MSRA: variants seen among roughly 807,000 people sequenced by gnomAD.
The protein encoded by MSRA is methionine sulfoxide reductase A, also known as mitochondrial peptide methionine sulfoxide reductase.
MSRA carries 54 observed loss-of-function variants against 31.3 expected under a neutral mutation model. That is an observed-to-expected ratio of 1.73 (90% CI 1.39 to 2.17). The LOEUF (loss-of-function observed/expected upper bound fraction) is 2.17. Among genes scored for constraint, MSRA ranks in the 30% most tolerant of loss-of-function variants. The probability of loss-of-function intolerance (pLI) is 0.00; values close to 1 mark genes in which losing one functional copy is unlikely to be tolerated. For synonymous variants in MSRA, 169 were observed against 116.5 expected (o/e 1.45, Z -2.90); for missense variants, 507 against 300.9 (o/e 1.69, Z -5.07).
chr8:10,295,806 CCAGGTCT>C (rs1800508246), intron 3 of MSRA, among the ~76,000 whole-genome samples: 1 of 152,112 alleles, frequency 6.6e-6, no homozygotes, highest in African/African-American at 2.4e-5. Flanking sequence ...CTGCCCTCTC[CCAGGTCT>C]CATGGACTCT....
chr8:10,101,267 A>G (rs1378645128), intron 1 of MSRA, among the ~76,000 whole-genome samples: 1 of 152,202 alleles, frequency 6.6e-6, no homozygotes, highest in Non-Finnish European at 1.5e-5. Context: ...GAAATAAGGA[A>G]ATACATGCAG....
intron 1 of MSRA, among the ~76,000 whole-genome samples, chr8:10,090,790 C>T (rs760527882): frequency 2.0e-5 from 3 of 152,312 alleles, no homozygotes; most frequent in African/African-American, 7.2e-5. Flanking sequence ...ATACAATATG[C>T]GGACTTCTGT....
At chr8:10,224,040 C>A (rs112168564) in intron 2 of MSRA, among the ~76,000 whole-genome samples, 1 of 152,136 alleles carries the variant, frequency 6.6e-6, no homozygotes, top group Non-Finnish European at 1.5e-5. Flanking sequence ...CTAGGATCAT[C>A]ATTTGTTCAA....
At chr8:10,227,462 A>G (rs1247369580) in intron 2 of MSRA, among the ~76,000 whole-genome samples, 1 of 152,186 alleles carries the variant, frequency 6.6e-6, no homozygotes, top group Non-Finnish European at 1.5e-5. Context: ...GGGGTTATGA[A>G]GATTTCCAGG....
At chr8:10,297,688 G>A (rs1320301919) in intron 3 of MSRA, among the ~76,000 whole-genome samples, 2 of 152,196 alleles carry the variant, frequency 1.3e-5, no homozygotes, top group Non-Finnish European at 2.9e-5. Context: ...AGTTTGGCAA[G>A]GGCATCACTG....
chr8:10,263,995 AT>A (rs200550175), intron 3 of MSRA, among the ~76,000 whole-genome samples: 6 of 152,034 alleles, frequency 3.9e-5, no homozygotes, highest in African/African-American at 9.7e-5. Flanking sequence ...ACTTAAAAAT[AT>A]TTTTTTTCAC....
chr8:10,123,954 G>T (rs543585462), intron 1 of MSRA, among the ~76,000 whole-genome samples: 1 of 151,616 alleles, frequency 6.6e-6, no homozygotes, highest in Admixed American at 6.6e-5. Flanking sequence ...AGCCTCAAGT[G>T]GAAGTCTCGA....
chr8:10,100,600 G>C (rs1799469697), intron 1 of MSRA, among the ~76,000 whole-genome samples: 1 of 152,104 alleles, frequency 6.6e-6, no homozygotes, highest in African/African-American at 2.4e-5. Flanking sequence ...TAGAAATTTA[G>C]ATCAAGTGAA....
At chr8:10,281,217 C>T in intron 3 of MSRA, among the ~76,000 whole-genome samples, 1 of 152,158 alleles carries the variant, frequency 6.6e-6, no homozygotes, top group Non-Finnish European at 1.5e-5. Context: ...CCAAAATCAC[C>T]AATAAATTAT....
intron 1 of MSRA, among the ~76,000 whole-genome samples, chr8:10,147,907 C>T (rs539191152): frequency 9.0e-4 from 137 of 152,324 alleles, no homozygotes; most frequent in African/African-American, 3.1e-3. Context: ...GTTCCTCAGA[C>T]TGATGCGAAA....
intron 1 of MSRA, among the ~76,000 whole-genome samples, chr8:10,159,124 C>T (rs7842835): frequency 0.38 from 57,376 of 151,974 alleles, 13,131 homozygotes; most frequent in African/African-American, 0.63. Context: ...AAGGTAGTGG[C>T]AGTAAGAATG....
At chr8:10,114,766 C>T (rs1213910016) in intron 1 of MSRA, among the ~76,000 whole-genome samples, 1 of 152,086 alleles carries the variant, frequency 6.6e-6, no homozygotes, top group Non-Finnish European at 1.5e-5. Flanking sequence ...GAAAGGAAGC[C>T]TTAAATTAAT....
chr8:10,075,821 A>G (rs1563402944), intron 1 of MSRA, among the ~76,000 whole-genome samples: 1 of 152,090 alleles, frequency 6.6e-6, no homozygotes, highest in Non-Finnish European at 1.5e-5. Flanking sequence ...CATCATTCAT[A>G]TTTTTCTCCC....
At position 10,073,846 on chromosome 8, in the gene MSRA, T is replaced by C. The variant is rs189781105; in HGVS notation, c.142+19188T>C. On this transcript the variant is annotated intron_variant, in intron 1 of 5. Coordinates refer to ENST00000317173, the MANE Select transcript of MSRA (RefSeq NM_012331.5). ...TAGCTTGACAGTTACCCTGAACAAA[T>C]TACTTTCATTTCACTTCTTCTTGAC... Among the ~76,000 whole-genome samples, 23 of 152,150 alleles carry C rather than the reference T, an allele frequency of 1.5e-4. 1 individual carries two copies. The East Asian group carries it at 4.1e-3, about 27-fold the overall frequency.
At chr8:10,212,118 C>T (rs535877207) in intron 2 of MSRA, among the ~76,000 whole-genome samples, 2 of 151,464 alleles carry the variant, frequency 1.3e-5, no homozygotes, top group Admixed American at 1.3e-4. Flanking sequence ...ACCCAGGAGG[C>T]GGAGGTTGCA....
intron 3 of MSRA, among the ~76,000 whole-genome samples, chr8:10,269,090 G>A (rs1050748398): frequency 2.0e-5 from 3 of 152,200 alleles, no homozygotes; most frequent in Non-Finnish European, 4.4e-5. Flanking sequence ...ATTGGCAGTT[G>A]AAAATAGAGT....
chr8:10,118,665 C>CGCT (rs374880517), intron 1 of MSRA, among the ~76,000 whole-genome samples: 187 of 152,204 alleles, frequency 1.2e-3, no homozygotes, highest in African/African-American at 4.3e-3. Flanking sequence ...TGCTCCTTAC[C>CGCT]GCTGCCCCTG....
chr8:10,403,100 T>G (rs1480854481), intron 5 of MSRA, among the ~76,000 whole-genome samples: 1 of 152,176 alleles, frequency 6.6e-6, no homozygotes, highest in Non-Finnish European at 1.5e-5. Context: ...AAGCTTGAGA[T>G]TCTTGTTTAC....
chr8:10,075,609 C>T lies in MSRA; in HGVS notation c.142+20951C>T, dbSNP rs532550141. Among the ~76,000 whole-genome samples, 13 of 152,240 alleles carry T rather than the reference C, an allele frequency of 8.5e-5. No homozygotes were observed. In the South Asian group the frequency reaches 2.3e-3, roughly 27 times the overall value. On this transcript the variant is annotated intron_variant, in intron 1 of 5. Coordinates refer to ENST00000317173, the MANE Select transcript of MSRA (RefSeq NM_012331.5). ...CAGAAGAAAATATCCTAAAGAGATC[C>T]ACAGTTATCTGCAGTTTCCCCAAGG...
Sources: gnomAD v4.1 joint callset for allele counts (sites outside exome capture counted in the v4.1 genomes callset) on GRCh38, gnomAD v4.1.1 for gene constraint, MANE v1.5 for transcripts, NCBI Gene and HGNC (gene_info 2026-07-23, HGNC 2026-07-21) for gene names.